The following BMP6 variants were observed in gnomAD, a reference collection of about 807,000 sequenced individuals.
BMP6 encodes bone morphogenetic protein 6.
A neutral mutation model predicts 54.1 loss-of-function variants in BMP6; 17 were observed. The observed-to-expected ratio is 0.31, with a 90% CI of 0.22 to 0.47. The LOEUF is 0.47. Ranked by LOEUF, BMP6 falls within the 20% of genes least tolerant of loss-of-function variation. The pLI is 1.00. For missense variants in BMP6, 720 were observed against 690.4 expected, an observed-to-expected ratio of 1.04 and a Z score of -0.48; for synonymous variants, 328 against 291.2, an observed-to-expected ratio of 1.13 and a Z score of -1.28.
chr6:7,872,212 G>A (rs927625020), intron 4 of BMP6, among the ~76,000 whole-genome samples: 1 of 151,560 alleles, frequency 6.6e-6, no homozygotes, highest in Non-Finnish European at 1.5e-5. Flanking sequence ...GCCCTCTTCA[G>A]CCCATTCATC....
intron 1 of BMP6, among the ~76,000 whole-genome samples, chr6:7,771,420 C>T (rs749740175): frequency 6.6e-6 from 1 of 152,182 alleles, no homozygotes; most frequent in African/African-American, 2.4e-5. Flanking sequence ...TGAAATCACC[C>T]CTCCTTCACA....
At chr6:7,822,896 GTTGTGT>G (rs956382274) in intron 1 of BMP6, among the ~76,000 whole-genome samples, 6 of 85,662 alleles carry the variant, frequency 7.0e-5, no homozygotes, top group African/African-American at 4.1e-4. Flanking sequence ...ATTGGTGCTG[GTTGTGT>G]GTGTGTGTGT....
At position 7,862,305 on chromosome 6, in the gene BMP6, C is replaced by T; in HGVS notation, c.1011C>T (p.Val337=). Residue 337 remains valine (V), a synonymous_variant, in exon 4 of 7, where the codon GTC becomes GTT. Transcript: ENST00000283147. Reference sequence around the variant, plus strand: ...ATGCTTTGATTTGCATTAAAGGAGTCCACGTCCACCCCCGAGCCGCAGGCC... The same window carrying T: ...ATGCTTTGATTTGCATTAAAGGAGTTCACGTCCACCCCCGAGCCGCAGGCC... ...LQLSVVTRDG[V]HVHPRAAGLV... The T allele has an allele frequency of 1.2e-6, 2 of 1,614,172 alleles. No individual in the cohort carries two copies. The highest frequency in any genetic ancestry group is 1.7e-6 in the Non-Finnish European group (2 of 1,180,034).
chr6:7,856,450 G>C (rs566119345), intron 2 of BMP6, among the ~76,000 whole-genome samples: 58 of 151,894 alleles, frequency 3.8e-4, no homozygotes, highest in Non-Finnish European at 7.4e-4. Context: ...ATGTTGTTTT[G>C]TATTTTAATG....
At chr6:7,819,300 T>G (rs1221247696) in intron 1 of BMP6, among the ~76,000 whole-genome samples, 1 of 152,156 alleles carries the variant, frequency 6.6e-6, no homozygotes, top group African/African-American at 2.4e-5. Flanking sequence ...AATTCAAACC[T>G]GAGTATACTG....
At chr6:7,807,393 A>G (rs915632475) in intron 1 of BMP6, among the ~76,000 whole-genome samples, 3 of 152,074 alleles carry the variant, frequency 2.0e-5, no homozygotes, top group Non-Finnish European at 2.9e-5. Flanking sequence ...TTCCAGTTTC[A>G]AGTGATTCTC....
At chr6:7,843,782 A>T (rs563958196) in intron 1 of BMP6, among the ~76,000 whole-genome samples, 66 of 152,334 alleles carry the variant, frequency 4.3e-4, no homozygotes, top group African/African-American at 1.5e-3. Flanking sequence ...TTTCTCACAC[A>T]GGACTTTGTA....
chr6:7,787,535 T>TG (rs1378298203), intron 1 of BMP6, among the ~76,000 whole-genome samples: 1 of 152,200 alleles, frequency 6.6e-6, no homozygotes, highest in Non-Finnish European at 1.5e-5. Context: ...AGGAATCTGT[T>TG]AGACTCCTCA....
At chr6:7,801,781 T>C (rs145823830) in intron 1 of BMP6, among the ~76,000 whole-genome samples, 34 of 152,170 alleles carry the variant, frequency 2.2e-4, no homozygotes, top group African/African-American at 7.9e-4. Flanking sequence ...AACTGAGACA[T>C]GGGGGTGCTG....
intron 1 of BMP6, among the ~76,000 whole-genome samples, chr6:7,824,155 G>A (rs369017750): frequency 2.6e-5 from 4 of 152,308 alleles, no homozygotes; most frequent in African/African-American, 9.6e-5. Flanking sequence ...GGCAGGGTTT[G>A]CTGGTGTCAT....
chr6:7,735,531 A>G (rs781522057), intron 1 of BMP6, among the ~76,000 whole-genome samples: 1 of 152,068 alleles, frequency 6.6e-6, no homozygotes, highest in Non-Finnish European at 1.5e-5. Flanking sequence ...TTATTTGTAG[A>G]CTCCCATATC....
chr6:7,868,470 G>A (rs945400015), intron 4 of BMP6, among the ~76,000 whole-genome samples: 3 of 152,240 alleles, frequency 2.0e-5, no homozygotes, highest in African/African-American at 4.8e-5. Context: ...GAGTGGGAGC[G>A]AGAGGCTTGT....
chr6:7,809,490 A>AT (rs74914517), intron 1 of BMP6, among the ~76,000 whole-genome samples: 32 of 150,980 alleles, frequency 2.1e-4, no homozygotes, highest in Middle Eastern at 3.4e-3. Flanking sequence ...GAGCAACAGG[A>AT]TTTTTTTTTT....
At chr6:7,794,297 G>T (rs1758159748) in intron 1 of BMP6, among the ~76,000 whole-genome samples, 1 of 152,172 alleles carries the variant, frequency 6.6e-6, no homozygotes, top group African/African-American at 2.4e-5. Flanking sequence ...GGAATAATGG[G>T]TTGCTTCATG....
At chr6:7,782,745 T>G (rs1408228932) in intron 1 of BMP6, among the ~76,000 whole-genome samples, 1 of 151,978 alleles carries the variant, frequency 6.6e-6, no homozygotes, top group East Asian at 1.9e-4. Context: ...TAGATGAACT[T>G]GCCCAGGAAA....
chr6:7,750,047 G>C (rs1049774229), intron 1 of BMP6, among the ~76,000 whole-genome samples: 1 of 152,240 alleles, frequency 6.6e-6, no homozygotes, highest in African/African-American at 2.4e-5. Context: ...AATGGGCACA[G>C]TGGGTGAGAC....
intron 1 of BMP6, among the ~76,000 whole-genome samples, chr6:7,824,501 A>C (rs181702218): frequency 6.6e-6 from 1 of 152,196 alleles, no homozygotes; most frequent in Admixed American, 6.5e-5. Flanking sequence ...TATCTCAAGG[A>C]TATCAAAGGG....
chr6:7,747,833 A>C (rs1306074699), intron 1 of BMP6, among the ~76,000 whole-genome samples: 1 of 148,818 alleles, frequency 6.7e-6, no homozygotes, highest in Admixed American at 6.7e-5. Context: ...TTTTGTAGAG[A>C]TGGGGTTTCT....
rs527770274 is a variant in BMP6, at chr6:7,726,516, C to A, written c.-440C>A. On this transcript the variant is annotated 5_prime_UTR_variant, in exon 1 of 7. Coordinates refer to ENST00000283147, the MANE Select transcript of BMP6 (RefSeq NM_001718.6). ...CCGGGCATCTCCCGCAGCTCGTGAG[C>A]GGCCCCGCTCCCCGCTGCCCCGGGT... Among the ~76,000 whole-genome samples the A allele has an allele frequency of 6.6e-6, 1 of 152,152 alleles. No individual in the cohort carries two copies. The highest frequency in any genetic ancestry group is 2.4e-5 in the African/African-American group (1 of 41,450).
Sources: allele counts gnomAD v4.1 joint callset (sites outside exome capture counted in the v4.1 genomes callset), GRCh38; gene constraint gnomAD v4.1.1; transcripts MANE v1.5; gene names NCBI Gene and HGNC (gene_info 2026-07-23, HGNC 2026-07-21).